Variants in METTL15 observed in about 807,000 individuals in gnomAD.
METTL15 encodes 12S rRNA N(4)-cytidine methyltransferase METTL15.
In METTL15, 34 loss-of-function variants were observed where a neutral mutation model predicts 38.3. The observed-to-expected ratio is 0.89, with a 90% CI of 0.68 to 1.18. The LOEUF (loss-of-function observed/expected upper bound fraction) is 1.18. Among genes scored for constraint, METTL15 ranks in the 50% most tolerant of loss-of-function variants. The probability of loss-of-function intolerance (pLI) is 0.00; values close to 1 mark genes in which losing one functional copy is unlikely to be tolerated. For synonymous variants in METTL15, 162 were observed against 170.9 expected, an observed-to-expected ratio of 0.95 and a Z score of 0.41; for missense variants, 438 against 498.4, an observed-to-expected ratio of 0.88 and a Z score of 1.15.
chr11:28,219,572 C>G (rs1223188283), intron 4 of METTL15, among the ~76,000 whole-genome samples: 1 of 151,994 alleles, frequency 6.6e-6, no homozygotes, highest in African/African-American at 2.4e-5. Context: ...CAGTTCTGCT[C>G]TGATGTTAGT....
intron 4 of METTL15, among the ~76,000 whole-genome samples, chr11:28,264,215 G>A (rs910964295): frequency 1.3e-5 from 2 of 152,090 alleles, no homozygotes; most frequent in Non-Finnish European, 2.9e-5. Context: ...ATTTTGGATA[G>A]AATCACCATA....
At chr11:28,212,991 A>G (rs1049764819) in intron 4 of METTL15, among the ~76,000 whole-genome samples, 3 of 152,112 alleles carry the variant, frequency 2.0e-5, no homozygotes, top group African/African-American at 7.2e-5. Context: ...ATCAGGCTGT[A>G]TATTCTTTTC....
At chr11:28,340,481 A>C (rs1347742402) in intron 3 of METTL15, among the ~76,000 whole-genome samples, 3 of 152,192 alleles carry the variant, frequency 2.0e-5, no homozygotes, top group Non-Finnish European at 4.4e-5. Context: ...ATTTACAAGA[A>C]AGAAACAACC....
intron 6 of METTL15, among the ~76,000 whole-genome samples, chr11:28,301,749 G>T (rs1174836037): frequency 6.6e-6 from 1 of 151,952 alleles, no homozygotes; most frequent in Non-Finnish European, 1.5e-5. Flanking sequence ...TAAATAACAT[G>T]TTTCACATTA....
intron 3 of METTL15, among the ~76,000 whole-genome samples, chr11:28,189,643 T>C (rs1851627881): frequency 6.6e-6 from 1 of 151,236 alleles, no homozygotes; most frequent in Non-Finnish European, 1.5e-5. Context: ...GAGTACTTTA[T>C]CAATTGAAAT....
chr11:28,274,804 G>T (rs911723315), intron 4 of METTL15, among the ~76,000 whole-genome samples: 10 of 151,914 alleles, frequency 6.6e-5, no homozygotes, highest in African/African-American at 2.4e-4. Context: ...ACTAGGATAA[G>T]AGGGATAGCA....
chr11:28,132,993 G>A (rs1336011315), intron 3 of METTL15, among the ~76,000 whole-genome samples: 1 of 151,952 alleles, frequency 6.6e-6, no homozygotes, highest in East Asian at 1.9e-4. Context: ...TGATGCATAA[G>A]GAATTTAATT....
chr11:28,255,849 A>G (rs1854951295), intron 4 of METTL15, among the ~76,000 whole-genome samples: 1 of 152,122 alleles, frequency 6.6e-6, no homozygotes, highest in Non-Finnish European at 1.5e-5. Flanking sequence ...GATTACAGGC[A>G]TGTGCCACCA....
At position 28,394,498 on chromosome 11, in the gene METTL15, A is replaced by T. The variant is rs531673105; in HGVS notation, c.*359-29801A>T. On this transcript the variant is annotated intron_variant and NMD_transcript_variant, in intron 5 of 7. Coordinates refer to the METTL15 transcript ENST00000532947. The stretch of plus-strand genomic sequence containing the variant: ...GCTCACAAGGAGGGGGGTGGAAGTT[A>T]TAAAAAGGAGTGTGGTCTTGGAGGT... 2.6e-5 allele frequency among the ~76,000 whole-genome samples: 4 copies of T among 152,210 alleles called. No individual in the cohort carries two copies. In the South Asian group the frequency reaches 8.3e-4, roughly 32 times the overall value.
At chr11:28,152,113 C>T (rs866374202) in intron 3 of METTL15, among the ~76,000 whole-genome samples, 12 of 152,120 alleles carry the variant, frequency 7.9e-5, no homozygotes, top group Admixed American at 5.9e-4. Flanking sequence ...CTGGACCACA[C>T]CTGCTACTTT....
chr11:28,257,859 T>G (rs1855036346), intron 4 of METTL15, among the ~76,000 whole-genome samples: 1 of 152,236 alleles, frequency 6.6e-6, no homozygotes, highest in Admixed American at 6.5e-5. Context: ...AAAGGTCACA[T>G]ATTTCTAATT....
At chr11:28,231,756 C>A (rs933305511) in intron 4 of METTL15, among the ~76,000 whole-genome samples, 13 of 151,882 alleles carry the variant, frequency 8.6e-5, no homozygotes, top group African/African-American at 3.1e-4. Context: ...ATTTTCTCTG[C>A]AAAATCATCC....
chr11:28,462,013 G>T (rs377221130), intron 6 of METTL15, among the ~76,000 whole-genome samples: 1 of 121,702 alleles, frequency 8.2e-6, no homozygotes, highest in Non-Finnish European at 2.0e-5. Context: ...AACTTTGCCC[G>T]GGTGCCCTTG....
intron 6 of METTL15, among the ~76,000 whole-genome samples, chr11:28,312,603 T>TA (rs2134029479): frequency 6.6e-6 from 1 of 152,354 alleles, no homozygotes; most frequent in East Asian, 1.9e-4. Context: ...TGTGCTGCTA[T>TA]AACAGAATAC....
intron 6 of METTL15, among the ~76,000 whole-genome samples, chr11:28,300,313 A>G (rs957046003): frequency 1.3e-5 from 2 of 152,170 alleles, no homozygotes; most frequent in Non-Finnish European, 2.9e-5. Context: ...TTCCAGACAC[A>G]TATTAAAATC....
chr11:28,297,075 A>G (rs1217410933), intron 6 of METTL15, 144 bp downstream of exon 6: 5 of 835,468 alleles, frequency 6.0e-6, no homozygotes, highest in Non-Finnish European at 9.0e-6. Context: ...CTTGAAATCC[A>G]GGATAGAATC....
At chr11:28,495,463 C>T (rs925606115) in intron 6 of METTL15, among the ~76,000 whole-genome samples, 1 of 152,136 alleles carries the variant, frequency 6.6e-6, no homozygotes, top group African/African-American at 2.4e-5. Flanking sequence ...GCTGAGCATG[C>T]TTGTAAGGGG....
intron 3 of METTL15, among the ~76,000 whole-genome samples, chr11:28,209,580 T>C (rs1198218819): frequency 6.6e-6 from 1 of 152,066 alleles, no homozygotes; most frequent in Non-Finnish European, 1.5e-5. Flanking sequence ...AAGCATTGCT[T>C]GTACATTTTC....
rs148122207 is a variant in METTL15, at chr11:28,505,543, C to T, written c.*425-20935C>T. The stretch of plus-strand genomic sequence containing the variant: ...TCCTCACAGGATGTTTTTAGTTTTT[C>T]TGAGAACATTTTCTTCATAGCTCTC... On this transcript the variant is annotated intron_variant and NMD_transcript_variant, in intron 6 of 7. Transcript: ENST00000532947. Among the ~76,000 whole-genome samples the T allele has an allele frequency of 5.3e-5, 8 of 152,282 alleles. No individual in the cohort carries two copies. In the East Asian group the frequency reaches 1.5e-3, roughly 29 times the overall value.
Sources: gnomAD v4.1 joint callset for allele counts (sites outside exome capture counted in the v4.1 genomes callset) on GRCh38, gnomAD v4.1.1 for gene constraint, MANE v1.5 for transcripts, NCBI Gene and HGNC (gene_info 2026-07-23, HGNC 2026-07-21) for gene names.